Variants in MGST1 observed in about 807,000 individuals in gnomAD.
MGST1 encodes glutathione S-transferase 12.
In MGST1, 5 loss-of-function variants were observed where a neutral mutation model predicts 8.9. The observed-to-expected ratio is 0.56, with a 90% CI of 0.29 to 1.19. MGST1 has a LOEUF of 1.19. Ranked by LOEUF, MGST1 falls within the 50% of genes most tolerant of loss-of-function variation. MGST1 has a pLI of 0.08. For synonymous variants in MGST1, 54 were observed against 67.8 expected (o/e 0.80, Z 1.00); for missense variants, 182 against 187.4 (o/e 0.97, Z 0.17).
intron 3 of MGST1, among the ~76,000 whole-genome samples, chr12:16,360,980 T>TGGCC (rs575833407): frequency 6.9e-6 from 1 of 144,132 alleles, no homozygotes; most frequent in African/African-American, 2.6e-5. Flanking sequence ...TTTATAGTGT[T>TGGCC]CCCCCCCTCC....
intron 4 of MGST1, among the ~76,000 whole-genome samples, chr12:16,518,652 CA>C (rs1416686249): frequency 1.1e-4 from 16 of 152,084 alleles, no homozygotes; most frequent in Non-Finnish European, 2.1e-4. Flanking sequence ...ATGAATATAA[CA>C]GATTTTTACT....
At chr12:16,439,853 T>C (rs1383746498), downstream of MGST1, among the ~76,000 whole-genome samples, 1 of 151,746 alleles carries the variant, frequency 6.6e-6, no homozygotes, top group Non-Finnish European at 1.5e-5. Flanking sequence ...ATTTCATCTA[T>C]CTGGAATATC....
At chr12:16,399,443 T>G (rs1426762431) in intron 1 of MGST1, 2 of 1,545,716 alleles carry the variant, frequency 1.3e-6, no homozygotes, top group East Asian at 2.2e-5. Context: ...CTTTTCGGGC[T>G]TCTTCCTCCA....
chr12:16,549,121 G>A (rs2137228520), intron 4 of MGST1: 1 of 152,238 alleles, frequency 6.6e-6, no homozygotes, highest in Middle Eastern at 3.4e-3. Context: ...TCAAGCAATT[G>A]TTAATGGGGA....
At chr12:16,354,522 C>G in intron 2 of MGST1, 144 bp downstream of exon 2, 3 of 692,196 alleles carry the variant, frequency 4.3e-6, no homozygotes, top group Non-Finnish European at 6.8e-6. Flanking sequence ...TCGTTTGGCA[C>G]AGATGGATCT....
At position 16,555,089 on chromosome 12, in the gene MGST1, A is replaced by G. The variant is rs1466502576; in HGVS notation, n.483-34439A>G. ...AACTACCTATTTATGGGATATTTTGAGTATTAAACGAATGAGTACATGTAA... is the reference window on the plus strand; with the variant it reads ...AACTACCTATTTATGGGATATTTTGGGTATTAAACGAATGAGTACATGTAA... On this transcript the variant is annotated intron_variant and non_coding_transcript_variant, in intron 4 of 4. Coordinates refer to the MGST1 transcript ENST00000538857. This position sits in a 1 kb window ranked among gnomAD's most constrained non-coding sequence, Gnocchi z 5.5. Among the ~76,000 whole-genome samples the G allele has an allele frequency of 6.6e-6, 1 of 152,228 alleles. No individual in the cohort carries two copies. The highest frequency in any genetic ancestry group is 1.5e-5 in the Non-Finnish European group (1 of 68,036).
downstream of MGST1, among the ~76,000 whole-genome samples, chr12:16,589,792 G>A (rs979217359): frequency 1.3e-5 from 2 of 152,060 alleles, no homozygotes; most frequent in Non-Finnish European, 2.9e-5. The surrounding 1 kb of genome is among the most constrained non-coding windows in gnomAD (Gnocchi z 4.2). Flanking sequence ...ATCTGGACAA[G>A]AAAAGCATCT....
At chr12:16,400,626 A>T in intron 1 of MGST1, 1 of 1,352,702 alleles carries the variant, frequency 7.4e-7, no homozygotes, top group Non-Finnish European at 1.1e-6. Context: ...GACGCTTGGT[A>T]TGTAATTTCT....
At chr12:16,508,830 T>C (rs980611102) in intron 4 of MGST1, among the ~76,000 whole-genome samples, 1 of 152,188 alleles carries the variant, frequency 6.6e-6, no homozygotes, top group East Asian at 1.9e-4. Context: ...TGCTTGCCTG[T>C]GTTCTAATTG....
At chr12:16,529,720 A>T (rs936719723) in intron 4 of MGST1, among the ~76,000 whole-genome samples, 1 of 152,086 alleles carries the variant, frequency 6.6e-6, no homozygotes, top group African/African-American at 2.4e-5. Context: ...TCTCTAGGCA[A>T]AGTGTTTGGG....
intron 4 of MGST1, among the ~76,000 whole-genome samples, chr12:16,526,237 G>A (rs975915512): frequency 4.0e-5 from 6 of 151,620 alleles, no homozygotes; most frequent in Non-Finnish European, 5.9e-5. Context: ...TGTCCTGAAT[G>A]GTAATGCCTA....
At chr12:16,532,774 G>T (rs894726387) in intron 4 of MGST1, among the ~76,000 whole-genome samples, 4 of 152,020 alleles carry the variant, frequency 2.6e-5, no homozygotes, top group African/African-American at 7.2e-5. Context: ...TGACAAATCT[G>T]CTGTTTCATG....
chr12:16,570,413 C>A (rs1271590004), intron 4 of MGST1, among the ~76,000 whole-genome samples: 2 of 151,544 alleles, frequency 1.3e-5, no homozygotes, highest in African/African-American at 4.9e-5. Flanking sequence ...TTTTTTTTTA[C>A]TCATCTCGTA....
intron 1 of MGST1, among the ~76,000 whole-genome samples, chr12:16,425,657 A>G (rs1277019586): frequency 6.6e-6 from 1 of 152,160 alleles, no homozygotes; most frequent in African/African-American, 2.4e-5. Context: ...TGATGACAAC[A>G]ACTAGATCTA....
chr12:16,445,708 G>T (rs1941074855), intron 4 of MGST1, among the ~76,000 whole-genome samples: 3 of 151,932 alleles, frequency 2.0e-5, no homozygotes, highest in African/African-American at 7.2e-5. Flanking sequence ...AGCTGTTACA[G>T]TCACGTGGCA....
intron 1 of MGST1, among the ~76,000 whole-genome samples, chr12:16,431,561 G>A (rs1940940146): frequency 6.6e-6 from 1 of 151,968 alleles, no homozygotes; most frequent in Non-Finnish European, 1.5e-5. Flanking sequence ...TGGGGAGATG[G>A]CTCACAGGTG....
chr12:16,469,384 T>G lies in MGST1; in HGVS notation n.482+85780T>G, dbSNP rs11056950. 4.4e-4 allele frequency among the ~76,000 whole-genome samples: 67 copies of G among 152,220 alleles called. 1 individual carries two copies. In the East Asian group the frequency reaches 7.0e-3, roughly 16 times the overall value. On this transcript the variant is annotated intron_variant and non_coding_transcript_variant, in intron 4 of 4. Transcript: ENST00000538857. ...TTGTATTTTTAGTAGAGACAAGGTT[T>G]CACCATGTTGACTAGACTGGTCTCA...
intron 4 of MGST1, chr12:16,573,371 G>C (rs990882500): frequency 6.6e-6 from 1 of 152,290 alleles, no homozygotes; most frequent in Non-Finnish European, 1.5e-5. Context: ...TTTGACAGCT[G>C]ATATTCAGTG....
intron 4 of MGST1, among the ~76,000 whole-genome samples, chr12:16,554,833 A>AT (rs1177587597): frequency 6.6e-6 from 1 of 151,380 alleles, no homozygotes. Context: ...ATTTTTTTGT[A>AT]TTTTTTAGTA....
Sources: allele counts gnomAD v4.1 joint callset (sites outside exome capture counted in the v4.1 genomes callset), GRCh38; gene constraint gnomAD v4.1.1; non-coding constraint Gnocchi (gnomAD v3.1); transcripts MANE v1.5; gene names NCBI Gene and HGNC (gene_info 2026-07-23, HGNC 2026-07-21).